CALCR: variants seen among roughly 807,000 people sequenced by gnomAD.
CALCR encodes the protein calcitonin receptor.
In CALCR, 47 loss-of-function variants were observed where a neutral mutation model predicts 59.5. The ratio of observed to expected loss-of-function variants is 0.79; its 90% CI spans 0.63 to 1.01. The LOEUF is 1.01. Among genes scored for constraint, CALCR ranks in the 50% least tolerant of loss-of-function variants. CALCR has a pLI of 0.00. For synonymous variants in CALCR, 213 were observed against 211.3 expected (o/e 1.01, Z -0.07); for missense variants, 566 against 597.1 (o/e 0.95, Z 0.54).
chr7:93,440,216 GC>G (rs1799871180), intron 9 of CALCR, among the ~76,000 whole-genome samples: 1 of 151,976 alleles, frequency 6.6e-6, no homozygotes, highest in East Asian at 1.9e-4. Context: ...TGTAGGTTTT[GC>G]TTCTTTTCTG....
At chr7:93,567,001 G>A (rs1013833392) in intron 2 of CALCR, among the ~76,000 whole-genome samples, 2 of 152,290 alleles carry the variant, frequency 1.3e-5, no homozygotes, top group East Asian at 1.9e-4. Flanking sequence ...CTCCAGCCTA[G>A]TGCAAGAAGC....
At chr7:93,471,827 C>T (rs1239190961) in intron 6 of CALCR, among the ~76,000 whole-genome samples, 1 of 151,778 alleles carries the variant, frequency 6.6e-6, no homozygotes, top group Non-Finnish European at 1.5e-5. Flanking sequence ...ATTTAACATA[C>T]AGTAAAATGC....
intron 2 of CALCR, among the ~76,000 whole-genome samples, chr7:93,568,772 T>A (rs1353617686): frequency 6.6e-6 from 1 of 152,104 alleles, no homozygotes; most frequent in Non-Finnish European, 1.5e-5. Context: ...TGAAATAGAT[T>A]CACTATGTCT....
intron 2 of CALCR, among the ~76,000 whole-genome samples, chr7:93,517,050 T>C (rs1261046275): frequency 6.6e-6 from 1 of 151,838 alleles, no homozygotes; most frequent in Non-Finnish European, 1.5e-5. Context: ...GAGAAGCAGG[T>C]ATCATAAGGT....
chr7:93,564,089 T>C (rs558090548), intron 2 of CALCR, among the ~76,000 whole-genome samples: 59 of 152,348 alleles, frequency 3.9e-4, no homozygotes, highest in African/African-American at 1.4e-3. Flanking sequence ...ACCTACTTTT[T>C]TTTTAGAAAG....
At chr7:93,432,278 T>C (rs1213481715) in intron 13 of CALCR, among the ~76,000 whole-genome samples, 1 of 152,198 alleles carries the variant, frequency 6.6e-6, no homozygotes, top group Admixed American at 6.5e-5. Flanking sequence ...CCCCTAGATT[T>C]CTGCTAAAAC....
chr7:93,460,415 G>T (rs1370246330), intron 8 of CALCR, among the ~76,000 whole-genome samples: 1 of 150,836 alleles, frequency 6.6e-6, no homozygotes, highest in Admixed American at 6.6e-5. Context: ...AATTAGCCGG[G>T]CATGGTGTCG....
chr7:93,555,601 T>C (rs1789578657), intron 2 of CALCR, among the ~76,000 whole-genome samples: 1 of 152,178 alleles, frequency 6.6e-6, no homozygotes, highest in Non-Finnish European at 1.5e-5. Flanking sequence ...GGATTTACCA[T>C]TTCAACCATT....
intron 2 of CALCR, among the ~76,000 whole-genome samples, chr7:93,557,387 A>C (rs1789636103): frequency 6.6e-6 from 1 of 151,914 alleles, no homozygotes; most frequent in Non-Finnish European, 1.5e-5. Flanking sequence ...ATATACAAGA[A>C]AAAAATGATA....
In CALCR at chr7:93,460,572, A is replaced by AT. The variant is rs1554397786; in HGVS notation, c.648+248_648+249insA. On this transcript the variant is annotated intron_variant, in intron 8 of 13. Coordinates refer to ENST00000426151, the MANE Select transcript of CALCR (RefSeq NM_001742.4). ...CTCTATCTAAAAAAAAAAAAAAAAAAATATATATATATATATATATGTATA... is the reference window on the plus strand; with the variant it reads ...CTCTATCTAAAAAAAAAAAAAAAAAATATATATATATATATATATATGTATA... Among the ~76,000 whole-genome samples the AT allele has an allele frequency of 7.3e-3, 486 of 66,396 alleles. 2 individuals carry two copies. The highest frequency in any genetic ancestry group is 0.013 in the East Asian group (25 of 1,986). 43.6% of individuals were successfully genotyped at this position (66,396 alleles called of 152,430 possible).
chr7:93,516,987 T>C (rs1233644145), intron 2 of CALCR, among the ~76,000 whole-genome samples: 1 of 151,832 alleles, frequency 6.6e-6, no homozygotes, highest in Admixed American at 6.6e-5. Flanking sequence ...GGTAGGACAT[T>C]GCGGTGGCTT....
At chr7:93,459,015 A>G (rs1800264165) in intron 8 of CALCR, among the ~76,000 whole-genome samples, 1 of 152,210 alleles carries the variant, frequency 6.6e-6, no homozygotes, top group African/African-American at 2.4e-5. Context: ...GCAAAGGAGA[A>G]AGCAGAGAAG....
chr7:93,535,782 T>C (rs939817369), intron 2 of CALCR, among the ~76,000 whole-genome samples: 2 of 151,706 alleles, frequency 1.3e-5, no homozygotes, highest in African/African-American at 4.8e-5. Context: ...GCCTAAGAGA[T>C]GGTGATGACT....
At chr7:93,443,580 A>C in intron 9 of CALCR, 24 bp downstream of exon 9, 1 of 1,609,212 alleles carries the variant, frequency 6.2e-7, no homozygotes, top group South Asian at 1.1e-5. Context: ...AGTGACTCAA[A>C]ACTTAGCTGC....
intron 5 of CALCR, among the ~76,000 whole-genome samples, chr7:93,475,935 T>C (rs1163915152): frequency 1.3e-5 from 2 of 151,814 alleles, no homozygotes; most frequent in South Asian, 2.1e-4. Flanking sequence ...ACTCTATGTG[T>C]GGACTGACCC....
Position 93,448,528 on chromosome 7 carries a change from T to C in CALCR, c.649-4771A>G, listed in dbSNP as rs114117281. Among the ~76,000 whole-genome samples, 1,263 of 152,066 alleles carry C rather than the reference T, an allele frequency of 8.3e-3. 30 individuals are homozygous for C. The highest frequency in any genetic ancestry group is 0.029 in the African/African-American group (1,197 of 41,516). ...CTAGGGCTGCAAAAATAAAGTTCAA[T>C]GCTTGCAATCAAAGAAGTTACCTTC... On this transcript the variant is annotated intron_variant, in intron 8 of 13. Transcript: ENST00000426151.
intron 2 of CALCR, among the ~76,000 whole-genome samples, chr7:93,571,514 C>T (rs992683391): frequency 6.6e-6 from 1 of 151,868 alleles, no homozygotes; most frequent in African/African-American, 2.4e-5. Flanking sequence ...CGAGAAGTTA[C>T]ATTATGTGCC....
At chr7:93,469,979 C>T (rs960731342) in intron 6 of CALCR, among the ~76,000 whole-genome samples, 3 of 143,784 alleles carry the variant, frequency 2.1e-5, no homozygotes, top group Non-Finnish European at 4.7e-5. Context: ...CTATTCAGAG[C>T]CCTTTCTTGG....
intron 2 of CALCR, among the ~76,000 whole-genome samples, chr7:93,532,204 G>A (rs1788858572): frequency 6.6e-6 from 1 of 152,012 alleles, no homozygotes; most frequent in African/African-American, 2.4e-5. Flanking sequence ...TTGGGAGAGA[G>A]ACTGCTAAAG....
Sources: allele counts gnomAD v4.1 joint callset (sites outside exome capture counted in the v4.1 genomes callset), GRCh38; gene constraint gnomAD v4.1.1; transcripts MANE v1.5; gene names NCBI Gene and HGNC (gene_info 2026-07-23, HGNC 2026-07-21).